PDE7B: variants seen among roughly 807,000 people sequenced by gnomAD.
PDE7B encodes the protein phosphodiesterase 7B, also known as 3',5'-cyclic-AMP phosphodiesterase 7B.
Under a neutral mutation model 56.2 loss-of-function variants are expected in PDE7B, and 29 were observed. That is an observed-to-expected ratio of 0.52 (90% CI 0.38 to 0.70). PDE7B has a LOEUF of 0.70. Among genes scored for constraint, PDE7B ranks in the 30% least tolerant of loss-of-function variants. The pLI, the probability that PDE7B is intolerant of heterozygous loss-of-function variation, is 0.00. For missense variants in PDE7B, 490 were observed against 565.0 expected (o/e 0.87, Z 1.35); for synonymous variants, 197 against 196.9 (o/e 1.00, Z 0.00).
chr6:135,915,921 T>C (rs1773923034), intron 1 of PDE7B, among the ~76,000 whole-genome samples: 1 of 152,244 alleles, frequency 6.6e-6, no homozygotes. Context: ...TCCCTTTGGA[T>C]GGATGAACCA....
At chr6:136,147,144 A>G (rs1778427009) in intron 3 of PDE7B, among the ~76,000 whole-genome samples, 1 of 137,950 alleles carries the variant, frequency 7.2e-6, no homozygotes, top group South Asian at 2.3e-4. Flanking sequence ...CCAGTCTCAA[A>G]AAATAAATAA....
rs1479384530 is a variant in PDE7B, at chr6:135,947,449, ATCTT to A, written c.22-11_22-8del. 2 of 1,599,426 alleles carry A rather than the reference ATCTT, an allele frequency of 1.3e-6. No individual in the cohort carries two copies. The highest frequency in any genetic ancestry group is 1.7e-6 in the Non-Finnish European group (2 of 1,166,926). ...ATGAAATCTTAAAATAACCTTGGCTATCTTTCTATTTCAGAGGTGTGGCGAAATC... is the reference window on the plus strand; with the variant it reads ...ATGAAATCTTAAAATAACCTTGGCTATCTATTTCAGAGGTGTGGCGAAATC... On this transcript the variant is annotated splice_polypyrimidine_tract_variant and intron_variant, in intron 1 of 12. Transcript: ENST00000308191.
chr6:135,923,530 A>G (rs1338762141), intron 1 of PDE7B, among the ~76,000 whole-genome samples: 6 of 152,228 alleles, frequency 3.9e-5, no homozygotes, highest in Non-Finnish European at 5.9e-5. Flanking sequence ...AAAATGGTAT[A>G]GGCAGAACTG....
In PDE7B at chr6:135,888,782, G is replaced by T. The variant is rs1160477431; in HGVS notation, c.21+36763G>T. On this transcript the variant is annotated intron_variant, in intron 1 of 12. Transcript: ENST00000308191. ...TGTCAACAGTAGGTGTAGTAGTTTT[G>T]GTTTTCTGTGTTTATAAATATTTTT... Among the ~76,000 whole-genome samples, 9 of 151,994 alleles carry T rather than the reference G, an allele frequency of 5.9e-5. No homozygotes were observed. In the East Asian group the frequency reaches 1.7e-3, roughly 29 times the overall value.
chr6:136,134,828 C>G (rs1473365473), intron 3 of PDE7B, among the ~76,000 whole-genome samples: 1 of 151,084 alleles, frequency 6.6e-6, no homozygotes, highest in Non-Finnish European at 1.5e-5. Context: ...ATTTGCTCCT[C>G]TTGAACACCT....
intron 2 of PDE7B, among the ~76,000 whole-genome samples, chr6:135,968,806 A>G (rs937783309): frequency 3.9e-5 from 6 of 152,240 alleles, no homozygotes; most frequent in Admixed American, 1.3e-4. Context: ...CCAAAAGAAT[A>G]TAAATCATTC....
At chr6:136,190,682 G>A (rs531622616) in intron 12 of PDE7B, among the ~76,000 whole-genome samples, 22 of 152,092 alleles carry the variant, frequency 1.4e-4, no homozygotes, top group East Asian at 3.9e-4. Context: ...ACATTAACGC[G>A]GCAAAACGCG....
At chr6:135,870,952 A>G (rs1432005468) in intron 1 of PDE7B, among the ~76,000 whole-genome samples, 1 of 150,024 alleles carries the variant, frequency 6.7e-6, no homozygotes, top group East Asian at 1.9e-4. Context: ...TGCTGCCTAT[A>G]TTATTGGAGC....
At chr6:135,853,543 G>T (rs1261641474) in intron 1 of PDE7B, among the ~76,000 whole-genome samples, 1 of 152,152 alleles carries the variant, frequency 6.6e-6, no homozygotes, top group Non-Finnish European at 1.5e-5. Context: ...CCAATAAAAT[G>T]AAGTCACTTT....
intron 2 of PDE7B, among the ~76,000 whole-genome samples, chr6:136,081,673 T>A (rs901608537): frequency 6.6e-6 from 1 of 152,200 alleles, no homozygotes. Context: ...TAAGATATCA[T>A]TCACTAGGTA....
chr6:135,953,699 C>T (rs1486171362), intron 2 of PDE7B, among the ~76,000 whole-genome samples: 1 of 151,982 alleles, frequency 6.6e-6, no homozygotes, highest in Non-Finnish European at 1.5e-5. Context: ...TAAATGATCT[C>T]AATTTGGTTC....
intron 1 of PDE7B, among the ~76,000 whole-genome samples, chr6:135,925,991 T>A (rs1351728382): frequency 1.3e-5 from 2 of 150,308 alleles, no homozygotes; most frequent in African/African-American, 4.9e-5. Flanking sequence ...AAGAAAAGAA[T>A]ATAAATTGGT....
At chr6:136,057,581 A>C (rs1216963238) in intron 2 of PDE7B, among the ~76,000 whole-genome samples, 2 of 152,236 alleles carry the variant, frequency 1.3e-5, no homozygotes, top group African/African-American at 4.8e-5. Flanking sequence ...TTTGGTTGTC[A>C]ACTAAATCCT....
intron 3 of PDE7B, among the ~76,000 whole-genome samples, chr6:136,144,219 T>C (rs1342525310): frequency 6.6e-6 from 1 of 152,096 alleles, no homozygotes; most frequent in Non-Finnish European, 1.5e-5. Context: ...TCACATTTTT[T>C]CTCTTCTTAA....
chr6:135,973,679 A>T (rs886983401), intron 2 of PDE7B, among the ~76,000 whole-genome samples: 4 of 152,184 alleles, frequency 2.6e-5, no homozygotes, highest in Admixed American at 6.5e-5. Context: ...GTATAAGGTG[A>T]TCACTCATTG....
chr6:135,990,875 C>T (rs970790752), intron 2 of PDE7B, among the ~76,000 whole-genome samples: 6 of 152,304 alleles, frequency 3.9e-5, no homozygotes, highest in African/African-American at 1.4e-4. Flanking sequence ...AGAATGGCTA[C>T]TTCATGGGCA....
intron 1 of PDE7B, among the ~76,000 whole-genome samples, chr6:135,856,281 T>A (rs1000215994): frequency 6.6e-6 from 1 of 152,196 alleles, no homozygotes; most frequent in Non-Finnish European, 1.5e-5. Context: ...TGCCCCTCTG[T>A]GGCTGTGACA....
chr6:135,917,089 T>G (rs1403427285), intron 1 of PDE7B, among the ~76,000 whole-genome samples: 1 of 152,154 alleles, frequency 6.6e-6, no homozygotes, highest in Admixed American at 6.5e-5. Flanking sequence ...ATACATAAAA[T>G]TTTGTGTGTG....
At chr6:136,083,319 A>G (rs1777235669) in intron 2 of PDE7B, among the ~76,000 whole-genome samples, 1 of 152,188 alleles carries the variant, frequency 6.6e-6, no homozygotes, top group Admixed American at 6.5e-5. Context: ...TATAGGTGGT[A>G]TTCCTGGAAC....
Sources: allele counts gnomAD v4.1 joint callset (sites outside exome capture counted in the v4.1 genomes callset), GRCh38; gene constraint gnomAD v4.1.1; transcripts MANE v1.5; gene names NCBI Gene and HGNC (gene_info 2026-07-23, HGNC 2026-07-21).